The following AKAP7 variants were observed in gnomAD, a reference collection of about 807,000 sequenced individuals.
AKAP7 encodes A-kinase anchoring protein 7.
A neutral mutation model predicts 39.5 loss-of-function variants in AKAP7; 39 were observed. The observed-to-expected ratio is 0.99, with a 90% CI of 0.76 to 1.29. AKAP7 has a LOEUF of 1.29. Ranked by LOEUF, AKAP7 falls within the 50% of genes most tolerant of loss-of-function variation. The pLI, the probability that AKAP7 is intolerant of heterozygous loss-of-function variation, is 0.00. For missense variants in AKAP7, 414 were observed against 407.7 expected (o/e 1.02, Z -0.13); for synonymous variants, 140 against 139.1 (o/e 1.01, Z -0.05).
At chr6:131,150,202 A>G (rs1233642381) in intron 2 of AKAP7, among the ~76,000 whole-genome samples, 1 of 152,170 alleles carries the variant, frequency 6.6e-6, no homozygotes, top group African/African-American at 2.4e-5. Flanking sequence ...AGTTCTCCTT[A>G]TAGTAAAATG....
intron 7 of AKAP7, among the ~76,000 whole-genome samples, chr6:131,256,379 C>T (rs1393893848): frequency 1.3e-5 from 2 of 152,200 alleles, no homozygotes; most frequent in African/African-American, 4.8e-5. Context: ...TCTTATCTTA[C>T]CTTCCTGATT....
chr6:131,130,240 A>G, the AKAP7 span, among the ~76,000 whole-genome samples: 1 of 152,174 alleles, frequency 6.6e-6, no homozygotes, highest in African/African-American at 2.4e-5. Flanking sequence ...GGTCCCAAAA[A>G]TCTTCTGTGA....
At chr6:131,126,261 T>A in the AKAP7 span, among the ~76,000 whole-genome samples, 1 of 152,226 alleles carries the variant, frequency 6.6e-6, no homozygotes, top group East Asian at 1.9e-4. Flanking sequence ...TCTTGCTTAC[T>A]TTTTTCTTTT....
At chr6:131,167,855 G>A (rs1446124767) in intron 4 of AKAP7, among the ~76,000 whole-genome samples, 1 of 152,148 alleles carries the variant, frequency 6.6e-6, no homozygotes, top group African/African-American at 2.4e-5. Flanking sequence ...CAAGAAAAAT[G>A]CTGATTTTTT....
chr6:131,256,461 G>A (rs1031798628), intron 7 of AKAP7, among the ~76,000 whole-genome samples: 4 of 152,064 alleles, frequency 2.6e-5, no homozygotes, highest in African/African-American at 9.7e-5. Context: ...AGAGTTTGCA[G>A]GATTCTACCA....
intron 6 of AKAP7, chr6:131,199,972 G>A (rs1807382452): frequency 5.1e-6 from 1 of 195,080 alleles, no homozygotes; most frequent in Non-Finnish European, 1.0e-5. Context: ...CCGCAACTGG[G>A]TAAGCTTTTT....
chr6:131,141,899 C>CT (rs773131426), intron 1 of AKAP7, among the ~76,000 whole-genome samples: 5,883 of 116,136 alleles, frequency 0.051, 259 homozygotes, highest in African/African-American at 0.12. Flanking sequence ...TTCTTTCTTT[C>CT]TTTTTTTTTT....
chr6:131,179,907 TA>T (rs1804982856), intron 5 of AKAP7, among the ~76,000 whole-genome samples: 1 of 151,860 alleles, frequency 6.6e-6, no homozygotes. Context: ...AATAAATAAA[TA>T]AATAAGTTGT....
chr6:131,231,923 A>C (rs1370126261), intron 7 of AKAP7, among the ~76,000 whole-genome samples: 1 of 152,218 alleles, frequency 6.6e-6, no homozygotes, highest in Non-Finnish European at 1.5e-5. Context: ...CCCTAATAAA[A>C]ATGAAAAGCA....
At chr6:131,253,228 T>C in intron 7 of AKAP7, 1 of 887,754 alleles carries the variant, frequency 1.1e-6, no homozygotes, top group South Asian at 2.0e-5. Context: ...TGTTTTAGTC[T>C]ATTGATAGCA....
intron 7 of AKAP7, among the ~76,000 whole-genome samples, chr6:131,243,227 A>G (rs1811753714): frequency 1.3e-5 from 2 of 152,214 alleles, no homozygotes; most frequent in African/African-American, 4.8e-5. Flanking sequence ...TTTTTAAACC[A>G]GATGAATCAA....
At chr6:131,197,050 C>T (rs959489194) in intron 5 of AKAP7, among the ~76,000 whole-genome samples, 2 of 151,996 alleles carry the variant, frequency 1.3e-5, no homozygotes, top group Non-Finnish European at 2.9e-5. Flanking sequence ...TATAGATCAT[C>T]TATTTTCTTT....
intron 5 of AKAP7, among the ~76,000 whole-genome samples, chr6:131,178,626 C>T (rs1396494776): frequency 6.6e-6 from 1 of 152,214 alleles, no homozygotes; most frequent in Non-Finnish European, 1.5e-5. Flanking sequence ...TGCTCCGGAA[C>T]CTCACCCAGG....
chr6:131,205,066 A>T (rs1345339004), intron 6 of AKAP7, among the ~76,000 whole-genome samples: 1 of 152,170 alleles, frequency 6.6e-6, no homozygotes, highest in Non-Finnish European at 1.5e-5. Context: ...TGTGCTGTGT[A>T]GAGGAATGCT....
intron 2 of AKAP7, among the ~76,000 whole-genome samples, chr6:131,158,969 G>T (rs1404428037): frequency 6.6e-6 from 1 of 152,106 alleles, no homozygotes; most frequent in African/African-American, 2.4e-5. Flanking sequence ...TTATTTCTGG[G>T]AGCATGCTTT....
intron 7 of AKAP7, among the ~76,000 whole-genome samples, chr6:131,235,345 G>T (rs976506190): frequency 6.6e-6 from 1 of 152,134 alleles, no homozygotes; most frequent in Non-Finnish European, 1.5e-5. Context: ...CTTTGCTATT[G>T]TGAATAGTGC....
At chr6:131,256,708 CATTATTATTATT>C (rs3836928) in intron 7 of AKAP7, among the ~76,000 whole-genome samples, 2 of 148,428 alleles carry the variant, frequency 1.3e-5, no homozygotes, top group African/African-American at 5.0e-5. Flanking sequence ...CTTCCTGGGA[CATTATTATTATT>C]ATTATTATTA....
At chr6:131,256,697 C>G (rs1414617379) in intron 7 of AKAP7, among the ~76,000 whole-genome samples, 1 of 138,602 alleles carries the variant, frequency 7.2e-6, no homozygotes, top group East Asian at 2.0e-4. Flanking sequence ...CTGAATTACT[C>G]CTTCCTGGGA....
Position 131,135,600 on chromosome 6 carries a change from G to A in AKAP7, c.-164G>A, listed in dbSNP as rs969234930. 2 of 520,638 alleles carry A rather than the reference G, an allele frequency of 3.8e-6. No homozygotes were observed. The highest frequency in any genetic ancestry group is 2.5e-6 in the Non-Finnish European group (1 of 404,500). 32.3% of individuals were successfully genotyped at this position (520,638 alleles called of 1,614,324 possible). A position where few individuals can be genotyped will look rare whatever the true frequency, so the allele number is the denominator to read the frequency against. On this transcript the variant is annotated 5_prime_UTR_variant, in exon 1 of 8. Coordinates refer to ENST00000431975, the MANE Select transcript of AKAP7 (RefSeq NM_016377.4). ...TCCGCAGGCCTGGCCTCCGCCGCCCGGGCCCCCGCAGCCTGTCGCTGGACC... is the reference window on the plus strand; with the variant it reads ...TCCGCAGGCCTGGCCTCCGCCGCCCAGGCCCCCGCAGCCTGTCGCTGGACC...
Sources: allele counts gnomAD v4.1 joint callset (sites outside exome capture counted in the v4.1 genomes callset), GRCh38; gene constraint gnomAD v4.1.1; transcripts MANE v1.5; gene names NCBI Gene and HGNC (gene_info 2026-07-23, HGNC 2026-07-21).